The following HMGCLL1 variants were observed in gnomAD, a reference collection of about 807,000 sequenced individuals.
The protein encoded by HMGCLL1 is 3-hydroxymethyl-3-methylglutaryl-CoA lyase, cytoplasmic.
HMGCLL1 carries 36 observed loss-of-function variants against 39.1 expected under a neutral mutation model. The ratio of observed to expected loss-of-function variants is 0.92; its 90% CI spans 0.71 to 1.22. The LOEUF is 1.22. Among genes scored for constraint, HMGCLL1 ranks in the 50% most tolerant of loss-of-function variants. The pLI is 0.00. For missense variants in HMGCLL1, 451 were observed against 416.5 expected (o/e 1.08, Z -0.72); for synonymous variants, 149 against 144.0 (o/e 1.03, Z -0.25).
intron 1 of HMGCLL1, among the ~76,000 whole-genome samples, chr6:55,574,564 A>G (rs1032933134): frequency 5.3e-5 from 8 of 151,950 alleles, no homozygotes; most frequent in Non-Finnish European, 1.2e-4. Context: ...GGAAAATGAG[A>G]AATTAAAATG....
At chr6:55,477,181 A>C (rs1765353166) in intron 7 of HMGCLL1, among the ~76,000 whole-genome samples, 1 of 37,830 alleles carries the variant, frequency 2.6e-5, no homozygotes, top group African/African-American at 1.5e-4. Flanking sequence ...TATATATTAT[A>C]TTTATATATT....
At chr6:55,557,235 T>C (rs1252095358) in intron 1 of HMGCLL1, among the ~76,000 whole-genome samples, 1 of 152,150 alleles carries the variant, frequency 6.6e-6, no homozygotes, top group African/African-American at 2.4e-5. Flanking sequence ...AGCTTTAAAG[T>C]ATATGGTTGT....
intron 1 of HMGCLL1, among the ~76,000 whole-genome samples, chr6:55,542,702 C>A (rs556079128): frequency 6.6e-6 from 1 of 150,700 alleles, no homozygotes; most frequent in African/African-American, 2.4e-5. Context: ...TCACTTGAAC[C>A]CAGGAGGCGG....
chr6:55,515,279 G>A (rs1490587748), intron 4 of HMGCLL1, among the ~76,000 whole-genome samples: 1 of 151,104 alleles, frequency 6.6e-6, no homozygotes, highest in Admixed American at 6.6e-5. Context: ...TACATGGGGG[G>A]AGAAAAACTT....
the HMGCLL1 span, among the ~76,000 whole-genome samples, chr6:55,647,167 T>C: frequency 6.6e-6 from 1 of 152,058 alleles, no homozygotes; most frequent in Non-Finnish European, 1.5e-5. Flanking sequence ...ACCTTCTCTT[T>C]TTTTAAAGTT....
At chr6:55,558,559 C>T (rs181695571) in intron 1 of HMGCLL1, among the ~76,000 whole-genome samples, 2 of 152,222 alleles carry the variant, frequency 1.3e-5, no homozygotes, top group East Asian at 1.9e-4. Context: ...TAGCTTTCAC[C>T]GTGACAGAAC....
At chr6:55,649,245 T>C in the HMGCLL1 span, among the ~76,000 whole-genome samples, 1 of 152,120 alleles carries the variant, frequency 6.6e-6, no homozygotes. Flanking sequence ...AGAATTTCCC[T>C]TAGCATTTCT....
At chr6:55,469,943 CCATTTTTACTGTCAAG>C (rs1275870462) in intron 7 of HMGCLL1, among the ~76,000 whole-genome samples, 7 of 151,986 alleles carry the variant, frequency 4.6e-5, no homozygotes, top group African/African-American at 1.7e-4. Flanking sequence ...TTCCACATGT[CCATTTTTACTGTCAAG>C]AGAATTTTAA....
At chr6:55,656,719 CT>C in the HMGCLL1 span, among the ~76,000 whole-genome samples, 1 of 151,922 alleles carries the variant, frequency 6.6e-6, no homozygotes, top group African/African-American at 2.4e-5. Context: ...TCGAAGGTTT[CT>C]TTTTTTCACC....
chr6:55,476,121 A>G (rs1765273727), intron 7 of HMGCLL1, among the ~76,000 whole-genome samples: 1 of 151,640 alleles, frequency 6.6e-6, no homozygotes, highest in African/African-American at 2.4e-5. Context: ...TTGCACACAC[A>G]CAGATCTGCT....
chr6:55,577,097 G>T (rs761649444), intron 1 of HMGCLL1: 10 of 1,613,360 alleles, frequency 6.2e-6, no homozygotes, highest in East Asian at 2.2e-5. Context: ...ACAAGCCACC[G>T]TGCCTGCCAA....
At chr6:55,529,442 G>T (rs1346683310) in intron 3 of HMGCLL1, among the ~76,000 whole-genome samples, 1 of 151,978 alleles carries the variant, frequency 6.6e-6, no homozygotes, top group African/African-American at 2.4e-5. Flanking sequence ...GTTGTTGGAA[G>T]GAGACTAACT....
chr6:55,538,465 C>A (rs1182959153), intron 3 of HMGCLL1, among the ~76,000 whole-genome samples: 1 of 152,040 alleles, frequency 6.6e-6, no homozygotes, highest in East Asian at 1.9e-4. Context: ...ATGTCTAGAA[C>A]TCTCTTAAAA....
intron 7 of HMGCLL1, among the ~76,000 whole-genome samples, chr6:55,468,108 A>G (rs990810989): frequency 1.3e-5 from 2 of 152,010 alleles, no homozygotes; most frequent in African/African-American, 4.8e-5. Context: ...ATTGAGGGCA[A>G]CCTAACAAGG....
intron 5 of HMGCLL1, among the ~76,000 whole-genome samples, chr6:55,510,887 AACTT>A (rs1181977515): frequency 6.6e-6 from 1 of 151,500 alleles, no homozygotes; most frequent in African/African-American, 2.4e-5. Context: ...TAATAATGGC[AACTT>A]ACTAAGAATT....
chr6:55,571,439 A>C (rs562387880), intron 1 of HMGCLL1, among the ~76,000 whole-genome samples: 1 of 152,348 alleles, frequency 6.6e-6, no homozygotes. Flanking sequence ...AAAGGCATAA[A>C]CAGCCTTAAA....
intron 3 of HMGCLL1, among the ~76,000 whole-genome samples, chr6:55,538,000 C>T (rs771477747): frequency 6.6e-6 from 1 of 152,080 alleles, no homozygotes; most frequent in Non-Finnish European, 1.5e-5. Flanking sequence ...AAAGGGACTG[C>T]CTTTTTTTTT....
At chr6:55,525,828 G>A (rs773125253) in intron 3 of HMGCLL1, among the ~76,000 whole-genome samples, 4 of 151,822 alleles carry the variant, frequency 2.6e-5, no homozygotes, top group Non-Finnish European at 4.4e-5. Context: ...TCCTCCCTGC[G>A]GTGAGGAGTA....
intron 1 of HMGCLL1, among the ~76,000 whole-genome samples, chr6:55,548,478 CA>C (rs1160396488): frequency 2.0e-5 from 3 of 151,906 alleles, no homozygotes; most frequent in Non-Finnish European, 2.9e-5. Context: ...GAAAATTATA[CA>C]AGGGGCATTT....
Sources: gnomAD v4.1 joint callset for allele counts (sites outside exome capture counted in the v4.1 genomes callset) on GRCh38, gnomAD v4.1.1 for gene constraint, MANE v1.5 for transcripts, NCBI Gene and HGNC (gene_info 2026-07-23, HGNC 2026-07-21) for gene names.